The following CLNK variants were observed in gnomAD, a reference collection of about 807,000 sequenced individuals.
CLNK encodes cytokine-dependent hematopoietic cell linker.
In CLNK, 74 loss-of-function variants were observed where a neutral mutation model predicts 68.6. The ratio of observed to expected loss-of-function variants is 1.08; its 90% CI spans 0.89 to 1.31. The LOEUF is 1.31. CLNK is among the 50% of genes most tolerant of loss of function. The probability of loss-of-function intolerance (pLI) is 0.00; values close to 1 mark genes in which losing one functional copy is unlikely to be tolerated. For synonymous variants in CLNK, 198 were observed against 172.2 expected (o/e 1.15, Z -1.17); for missense variants, 553 against 515.3 (o/e 1.07, Z -0.71).
At chr4:10,584,988 C>T (rs1376106352) in intron 3 of CLNK, 33 bp from the exon 4 acceptor site, 4 of 1,611,956 alleles carry the variant, frequency 2.5e-6, no homozygotes, top group Non-Finnish European at 3.4e-6. Flanking sequence ...GTTAAATGTC[C>T]ATTGCTCCAC....
intron 10 of CLNK, 24 bp from the exon 11 acceptor site, chr4:10,540,628 T>C (rs575490479): frequency 6.4e-7 from 1 of 1,563,700 alleles, no homozygotes; most frequent in Non-Finnish European, 8.8e-7. Flanking sequence ...CGCAGTAGGG[T>C]CCTGAGAAAG....
At chr4:10,515,003 G>A (rs1263528824) in intron 15 of CLNK, among the ~76,000 whole-genome samples, 1 of 152,204 alleles carries the variant, frequency 6.6e-6, no homozygotes, top group Non-Finnish European at 1.5e-5. Context: ...TCGGGAGGCC[G>A]AGGCGGGTCG....
intron 2 of CLNK, among the ~76,000 whole-genome samples, chr4:10,622,090 A>G (rs1206867509): frequency 6.6e-6 from 1 of 152,230 alleles, no homozygotes; most frequent in Non-Finnish European, 1.5e-5. Flanking sequence ...TTGTTTGGAA[A>G]TTTGAGTTCT....
intron 1 of CLNK, among the ~76,000 whole-genome samples, chr4:10,682,801 T>A (rs1725142384): frequency 6.6e-6 from 1 of 152,198 alleles, no homozygotes. Flanking sequence ...GCTGTTAAGA[T>A]CATTCAAGAA....
At chr4:10,504,035 C>T (rs1717173827) in intron 17 of CLNK, among the ~76,000 whole-genome samples, 1 of 151,406 alleles carries the variant, frequency 6.6e-6, no homozygotes. Context: ...TCCACCTCAG[C>T]CGCCCGAAGT....
chr4:10,609,255 C>T (rs967083030), intron 2 of CLNK, among the ~76,000 whole-genome samples: 4 of 152,164 alleles, frequency 2.6e-5, no homozygotes, highest in Non-Finnish European at 4.4e-5. Flanking sequence ...GACAGTCTAC[C>T]TGGCTCTGGC....
chr4:10,583,051 T>C (rs1448269594), intron 4 of CLNK, among the ~76,000 whole-genome samples: 2 of 152,192 alleles, frequency 1.3e-5, no homozygotes, highest in Non-Finnish European at 2.9e-5. Context: ...GAACGCCCTC[T>C]CCTGTTTTCA....
At chr4:10,644,065 G>C (rs888852507) in intron 2 of CLNK, among the ~76,000 whole-genome samples, 1 of 152,212 alleles carries the variant, frequency 6.6e-6, no homozygotes, top group Non-Finnish European at 1.5e-5. Flanking sequence ...GGGAGAAAGG[G>C]GAGCCCGTGG....
chr4:10,508,836 G>C (rs114818560), intron 16 of CLNK, among the ~76,000 whole-genome samples: 2 of 151,664 alleles, frequency 1.3e-5, no homozygotes, highest in East Asian at 2.0e-4. Flanking sequence ...GGCTGGGTGT[G>C]GTGGCTCAAT....
intron 4 of CLNK, among the ~76,000 whole-genome samples, chr4:10,575,984 C>A (rs913634523): frequency 2.6e-5 from 4 of 152,166 alleles, no homozygotes; most frequent in African/African-American, 9.7e-5. Context: ...GACTGTGGTA[C>A]CTGCCTCCCC....
At chr4:10,525,711 T>G (rs1170676099) in intron 14 of CLNK, 130 bp downstream of exon 14, 2 of 597,954 alleles carry the variant, frequency 3.3e-6, no homozygotes, top group African/African-American at 1.9e-5. Flanking sequence ...AAGTTTCTCT[T>G]GAGCCTCATT....
At chr4:10,612,947 C>T (rs1461584253) in intron 2 of CLNK, among the ~76,000 whole-genome samples, 1 of 152,168 alleles carries the variant, frequency 6.6e-6, no homozygotes, top group East Asian at 1.9e-4. Flanking sequence ...TGGAATAGAA[C>T]AAGTCCTCAG....
At chr4:10,544,450 T>C (rs963825125) in intron 8 of CLNK, among the ~76,000 whole-genome samples, 2 of 152,198 alleles carry the variant, frequency 1.3e-5, no homozygotes, top group African/African-American at 4.8e-5. Flanking sequence ...AGTTAGGAGA[T>C]ACATAAACAA....
chr4:10,673,026 C>T (rs749816650), intron 1 of CLNK, among the ~76,000 whole-genome samples: 1 of 152,100 alleles, frequency 6.6e-6, no homozygotes, highest in Non-Finnish European at 1.5e-5. Flanking sequence ...TTTAAAAAAC[C>T]TATCACATCC....
intron 1 of CLNK, among the ~76,000 whole-genome samples, chr4:10,675,590 T>C (rs1423156454): frequency 6.6e-6 from 1 of 152,234 alleles, no homozygotes; most frequent in Admixed American, 6.5e-5. Context: ...AAAATTAATA[T>C]TTCATGAAGA....
At chr4:10,526,014 C>T (rs982380289) in intron 13 of CLNK, 92 bp from the exon 14 acceptor site, 19 of 701,834 alleles carry the variant, frequency 2.7e-5, no homozygotes, top group Non-Finnish European at 3.7e-5. Flanking sequence ...TAATTTCCTC[C>T]AAGTAATCTC....
At chr4:10,660,220 T>C (rs1292974274) in intron 2 of CLNK, among the ~76,000 whole-genome samples, 2 of 152,242 alleles carry the variant, frequency 1.3e-5, no homozygotes, top group Non-Finnish European at 2.9e-5. Context: ...GGCATGATTA[T>C]GTTAATTGAA....
chr4:10,681,927 A>G (rs1044356132), intron 1 of CLNK, among the ~76,000 whole-genome samples: 2 of 152,212 alleles, frequency 1.3e-5, no homozygotes, highest in Admixed American at 1.3e-4. Context: ...AAAAAGTGAG[A>G]AATGATGAGC....
At chr4:10,609,385 C>T (rs574031186) in intron 2 of CLNK, among the ~76,000 whole-genome samples, 1 of 152,310 alleles carries the variant, frequency 6.6e-6, no homozygotes, top group African/African-American at 2.4e-5. Flanking sequence ...TGGGGTCCAC[C>T]TGGGCTGCAT....
Sources: allele counts gnomAD v4.1 joint callset (sites outside exome capture counted in the v4.1 genomes callset), GRCh38; gene constraint gnomAD v4.1.1; transcripts MANE v1.5; gene names NCBI Gene and HGNC (gene_info 2026-07-23, HGNC 2026-07-21).